Variants in LRP1B observed in about 807,000 individuals in gnomAD.
LRP1B encodes the protein LDL receptor related protein 1B, also known as low-density lipoprotein receptor-related protein 1B.
LRP1B carries 217 observed loss-of-function variants against 556.6 expected under a neutral mutation model. The observed-to-expected ratio is 0.39, with a 90% CI of 0.35 to 0.44. The LOEUF (loss-of-function observed/expected upper bound fraction) is 0.44, where lower values mean the gene tolerates loss of function less well. Among genes scored for constraint, LRP1B ranks in the 20% least tolerant of loss-of-function variants. The probability of loss-of-function intolerance (pLI) is 1.00; values close to 1 mark genes in which losing one functional copy is unlikely to be tolerated. For missense variants in LRP1B, 5,053 were observed against 5,620.8 expected, an observed-to-expected ratio of 0.90 and a Z score of 3.23; for synonymous variants, 2,047 against 1,865.8, an observed-to-expected ratio of 1.10 and a Z score of -2.50.
intron 41 of LRP1B, among the ~76,000 whole-genome samples, chr2:140,604,142 C>A (rs1040739439): frequency 6.6e-6 from 1 of 151,468 alleles, no homozygotes; most frequent in Non-Finnish European, 1.5e-5. Flanking sequence ...GGGCTAAATT[C>A]TTGGAACTCA....
At chr2:141,065,970 T>A (rs1002471512) in intron 7 of LRP1B, among the ~76,000 whole-genome samples, 3 of 151,934 alleles carry the variant, frequency 2.0e-5, no homozygotes, top group African/African-American at 7.2e-5. Flanking sequence ...TTTAAAAATC[T>A]TTCTTTGTTC....
chr2:141,139,781 ATGTGTGTGTGTGTGTGTGTG>A (rs58413685), intron 7 of LRP1B, among the ~76,000 whole-genome samples: 2 of 148,138 alleles, frequency 1.4e-5, no homozygotes, highest in East Asian at 2.0e-4. Context: ...CATTGGAAAA[ATGTGTGTGTGTGTGTGTGTG>A]TGTGTGTGTG....
intron 63 of LRP1B, among the ~76,000 whole-genome samples, chr2:140,446,445 C>A (rs1157177866): frequency 1.3e-5 from 2 of 151,978 alleles, no homozygotes; most frequent in Non-Finnish European, 2.9e-5. Context: ...AGTATGGGAC[C>A]CTGGGATGAG....
At chr2:141,905,841 C>T (rs1201653366) in intron 1 of LRP1B, among the ~76,000 whole-genome samples, 1 of 131,668 alleles carries the variant, frequency 7.6e-6, no homozygotes, top group Non-Finnish European at 1.6e-5. Context: ...GAGGACTAGC[C>T]AAGATATTTG....
At chr2:141,255,070 C>T (rs543341302) in intron 3 of LRP1B, among the ~76,000 whole-genome samples, 4 of 151,900 alleles carry the variant, frequency 2.6e-5, no homozygotes, top group Non-Finnish European at 5.9e-5. Context: ...TATCTCATCT[C>T]AATATTTTAT....
intron 85 of LRP1B, among the ~76,000 whole-genome samples, chr2:140,270,648 T>C (rs1168086921): frequency 6.6e-6 from 1 of 152,008 alleles, no homozygotes; most frequent in African/African-American, 2.4e-5. Flanking sequence ...TTTACACTTC[T>C]GGGAGACATT....
At chr2:140,423,154 A>T (rs150887917) in intron 66 of LRP1B, among the ~76,000 whole-genome samples, 1 of 152,304 alleles carries the variant, frequency 6.6e-6, no homozygotes, top group African/African-American at 2.4e-5. Context: ...CTCTTGGATG[A>T]TGGTCATACC....
At chr2:141,159,905 C>T (rs2105108312) in intron 7 of LRP1B, among the ~76,000 whole-genome samples, 1 of 152,182 alleles carries the variant, frequency 6.6e-6, no homozygotes, top group African/African-American at 2.4e-5. Flanking sequence ...GAAAACCAAA[C>T]ACTGCATGTT....
At chr2:141,247,433 T>C (rs1383959825) in intron 4 of LRP1B, 79 bp from the exon 5 acceptor site, 1 of 1,542,830 alleles carries the variant, frequency 6.5e-7, no homozygotes, top group Non-Finnish European at 8.8e-7. Flanking sequence ...AATATTATTT[T>C]TGAACTTCGG....
chr2:141,850,557 A>G (rs140372147), intron 1 of LRP1B, among the ~76,000 whole-genome samples: 81 of 149,448 alleles, frequency 5.4e-4, no homozygotes, highest in East Asian at 4.2e-3. Context: ...ATATATATAT[A>G]TGTGTGTGTG....
intron 3 of LRP1B, among the ~76,000 whole-genome samples, chr2:141,475,599 T>A (rs1338858310): frequency 6.6e-6 from 1 of 151,978 alleles, no homozygotes; most frequent in Non-Finnish European, 1.5e-5. Context: ...GATGTTGACC[T>A]TTGGCCTGCC....
chr2:141,186,353 A>G (rs1681259648), intron 7 of LRP1B, among the ~76,000 whole-genome samples: 1 of 152,040 alleles, frequency 6.6e-6, no homozygotes, highest in East Asian at 1.9e-4. Flanking sequence ...AGTTTTTCTA[A>G]CCAAAAAACT....
At chr2:141,347,473 C>T (rs559735787) in intron 3 of LRP1B, among the ~76,000 whole-genome samples, 1 of 151,960 alleles carries the variant, frequency 6.6e-6, no homozygotes, top group South Asian at 2.1e-4. Context: ...TTACAATTCT[C>T]TGAATAACAA....
intron 43 of LRP1B, among the ~76,000 whole-genome samples, chr2:140,553,577 T>C (rs1447494617): frequency 6.6e-6 from 1 of 152,096 alleles, no homozygotes. Flanking sequence ...CTAATTTCTA[T>C]TACTCTGAGC....
chr2:140,658,555 A>C (rs1177180247), intron 41 of LRP1B, among the ~76,000 whole-genome samples: 1 of 152,082 alleles, frequency 6.6e-6, no homozygotes, highest in African/African-American at 2.4e-5. Context: ...TAAAATCCAC[A>C]AAACTAGTTT....
chr2:141,170,194 C>T (rs1680440803), intron 7 of LRP1B, among the ~76,000 whole-genome samples: 1 of 152,090 alleles, frequency 6.6e-6, no homozygotes, highest in African/African-American at 2.4e-5. Flanking sequence ...GAAATGAAAA[C>T]TGAAGAAGCA....
intron 15 of LRP1B, among the ~76,000 whole-genome samples, chr2:141,001,899 C>T (rs560364199): frequency 4.7e-4 from 72 of 152,210 alleles, no homozygotes; most frequent in African/African-American, 1.4e-3. Context: ...TAAAAGACTC[C>T]TTGGTAGAAA....
intron 68 of LRP1B, 34 bp downstream of exon 68, chr2:140,378,146 G>T (rs750739801): frequency 1.1e-5 from 15 of 1,387,474 alleles, no homozygotes; most frequent in East Asian, 4.6e-5. Flanking sequence ...GTTCTAAAGC[G>T]CTGCTTTCTT....
chr2:141,056,371 A>C (rs986623840), intron 9 of LRP1B, among the ~76,000 whole-genome samples: 2 of 151,850 alleles, frequency 1.3e-5, no homozygotes, highest in African/African-American at 4.8e-5. Context: ...CTAATCAAAA[A>C]TCTTTTAACC....
Sources: allele counts gnomAD v4.1 joint callset (sites outside exome capture counted in the v4.1 genomes callset), GRCh38; gene constraint gnomAD v4.1.1; transcripts MANE v1.5; gene names NCBI Gene and HGNC (gene_info 2026-07-23, HGNC 2026-07-21).